IL1RL2: variants seen among roughly 807,000 people sequenced by gnomAD.
IL1RL2 encodes interleukin-1 receptor-like 2.
A neutral mutation model predicts 66.8 loss-of-function variants in IL1RL2; 68 were observed. That is an observed-to-expected ratio of 1.02 (90% CI 0.84 to 1.25). The LOEUF is 1.25. IL1RL2 is among the 50% of genes most tolerant of loss of function. The pLI, the probability that IL1RL2 is intolerant of heterozygous loss-of-function variation, is 0.00. For missense variants in IL1RL2, 729 were observed against 709.3 expected, an observed-to-expected ratio of 1.03 and a Z score of -0.32; for synonymous variants, 305 against 264.6, an observed-to-expected ratio of 1.15 and a Z score of -1.48.
In IL1RL2 at chr2:102,212,175, G is replaced by C; in HGVS notation, c.724+1G>C. 6.2e-7 allele frequency: 1 copy of C among 1,603,076 alleles called. No homozygotes were observed. The highest frequency in any genetic ancestry group is 2.2e-5 in the East Asian group (1 of 44,766). Reference sequence around the variant, plus strand: ...AATCATTCAATTGAAGTACAGCTTGGTGAGTAAAATTATTGAAGCCATTGA... The same window carrying C: ...AATCATTCAATTGAAGTACAGCTTGCTGAGTAAAATTATTGAAGCCATTGA... On this transcript the variant is annotated splice_donor_variant, in intron 6 of 11. Coordinates refer to ENST00000264257, the MANE Select transcript of IL1RL2 (RefSeq NM_003854.4). LOFTEE classifies it high-confidence loss of function.
At chr2:102,192,734 C>T (rs982816406) in intron 4 of IL1RL2, among the ~76,000 whole-genome samples, 4 of 152,180 alleles carry the variant, frequency 2.6e-5, no homozygotes, top group African/African-American at 4.8e-5. Flanking sequence ...GGAGCACAGG[C>T]TAGTCATTTG....
At chr2:102,194,687 T>C (rs1687511028) in intron 4 of IL1RL2, among the ~76,000 whole-genome samples, 1 of 151,734 alleles carries the variant, frequency 6.6e-6, no homozygotes, top group Admixed American at 6.6e-5. Flanking sequence ...CTTCTTTAAA[T>C]TTTCTTATTG....
chr2:102,218,402 A>G (rs1379062321), intron 6 of IL1RL2, among the ~76,000 whole-genome samples: 2 of 152,170 alleles, frequency 1.3e-5, no homozygotes, highest in East Asian at 1.9e-4. Context: ...ATGTGTGTAG[A>G]GGCAAGATAA....
intron 4 of IL1RL2, among the ~76,000 whole-genome samples, chr2:102,195,618 T>TTTCTTTCTTTCTTTCTTTCC (rs1559530175): frequency 1.2e-4 from 2 of 16,370 alleles, no homozygotes; most frequent in African/African-American, 3.4e-4. Flanking sequence ...TCTTTCTTTC[T>TTTCTTTCTTTCTTTCTTTCC]TTCTTTCTTT....
At chr2:102,241,143 G>T (rs1559573304), downstream of IL1RL2, among the ~76,000 whole-genome samples, 1 of 152,226 alleles carries the variant, frequency 6.6e-6, no homozygotes, top group Non-Finnish European at 1.5e-5. Context: ...CCTTCTCGGG[G>T]CTCTCCAACT....
intron 1 of IL1RL2, 116 bp downstream of exon 1, chr2:102,187,202 G>GC: frequency 4.1e-6 from 5 of 1,215,900 alleles, no homozygotes; most frequent in Admixed American, 2.6e-5. Flanking sequence ...CAGGGATCAG[G>GC]CCCCCCAGGC....
At chr2:102,235,752 G>A (rs1674822412) in intron 11 of IL1RL2, 2 of 985,390 alleles carry the variant, frequency 2.0e-6, no homozygotes, top group African/African-American at 1.7e-5. Flanking sequence ...GTGTCTTCAG[G>A]GCCCCATGCT....
intron 6 of IL1RL2, among the ~76,000 whole-genome samples, chr2:102,216,470 A>C (rs1246814035): frequency 1.3e-5 from 2 of 152,108 alleles, no homozygotes; most frequent in Non-Finnish European, 2.9e-5. Context: ...TCAGTGAGTA[A>C]GTGAGTCTCT....
Position 102,233,251 on chromosome 2 carries a change from G to A in IL1RL2, c.1297+127G>A. On this transcript the variant is annotated intron_variant, in intron 10 of 11. Coordinates refer to ENST00000264257, the MANE Select transcript of IL1RL2 (RefSeq NM_003854.4). The stretch of plus-strand genomic sequence containing the variant: ...TGGAACCACAGAGAGTCTATGACCA[G>A]CGCCCCCTGCCCGTCAGCCCCCAGC... 4 of 916,316 alleles carry A rather than the reference G, an allele frequency of 4.4e-6. 1 individual carries two copies. In the South Asian group the frequency reaches 5.4e-5, roughly 12 times the overall value. 56.8% of individuals were successfully genotyped at this position (916,316 alleles called of 1,614,324 possible).
rs1388402940 is a variant in IL1RL2 at position 102,221,057 on chromosome 2, G to A, written c.991+1040G>A. On this transcript the variant is annotated intron_variant, in intron 8 of 11. Coordinates refer to ENST00000264257, the MANE Select transcript of IL1RL2 (RefSeq NM_003854.4). The stretch of plus-strand genomic sequence containing the variant: ...GCTGCCTTAACTGTGAGTGAGCACA[G>A]CACCCTCTACTCACCCTGAGCACAT... 5.9e-5 allele frequency among the ~76,000 whole-genome samples: 9 copies of A among 152,292 alleles called. No individual in the cohort carries two copies. In the East Asian group the frequency reaches 7.7e-4, roughly 13 times the overall value.
At chr2:102,187,133 C>T (rs1002221101) in intron 1 of IL1RL2, 47 bp downstream of exon 1, 1 of 1,284,204 alleles carries the variant, frequency 7.8e-7, no homozygotes, top group Admixed American at 2.3e-5. Context: ...TGGGTGGGGC[C>T]CTGACAGTAG....
intron 2 of IL1RL2, 138 bp downstream of exon 2, chr2:102,188,063 G>C (rs900597090): frequency 2.5e-6 from 2 of 788,874 alleles, no homozygotes; most frequent in African/African-American, 3.4e-5. Context: ...GAGTTCCGCG[G>C]AAGAGGAAAC....
chr2:102,237,334 A>G (rs372377671), intron 11 of IL1RL2, among the ~76,000 whole-genome samples: 128 of 152,348 alleles, frequency 8.4e-4, no homozygotes, highest in African/African-American at 3.0e-3. Context: ...GGGTTAGTCA[A>G]GTGGCCAGAG....
At chr2:102,237,415 C>T (rs1360888817) in intron 11 of IL1RL2, among the ~76,000 whole-genome samples, 2 of 152,194 alleles carry the variant, frequency 1.3e-5, no homozygotes, top group Admixed American at 1.3e-4. Flanking sequence ...GAAGGAAGGA[C>T]GAAGCGTCCT....
intron 9 of IL1RL2, among the ~76,000 whole-genome samples, chr2:102,226,697 G>A (rs940854672): frequency 6.6e-6 from 1 of 151,908 alleles, no homozygotes; most frequent in African/African-American, 2.4e-5. Context: ...AGAGAGGGAG[G>A]GAAAACGGAG....
chr2:102,214,505 T>TA (rs1689439863), intron 6 of IL1RL2, among the ~76,000 whole-genome samples: 1 of 152,170 alleles, frequency 6.6e-6, no homozygotes, highest in Admixed American at 6.5e-5. Flanking sequence ...CCTACATGAT[T>TA]AAAAATGCAG....
chr2:102,223,484 G>C (rs1050037493), intron 8 of IL1RL2, among the ~76,000 whole-genome samples: 1 of 152,140 alleles, frequency 6.6e-6, no homozygotes, highest in African/African-American at 2.4e-5. Flanking sequence ...ACCTTTAACA[G>C]GACATCTAGT....
chr2:102,204,393 G>T (rs767655062), intron 5 of IL1RL2, among the ~76,000 whole-genome samples: 1 of 152,042 alleles, frequency 6.6e-6, no homozygotes, highest in Non-Finnish European at 1.5e-5. Flanking sequence ...GGATCTATTA[G>T]ATCCATTTGG....
chr2:102,208,657 G>T (rs564244875), intron 5 of IL1RL2, among the ~76,000 whole-genome samples: 1 of 152,296 alleles, frequency 6.6e-6, no homozygotes, highest in South Asian at 2.1e-4. Flanking sequence ...TGGGGATCTG[G>T]TCAGCATGGG....
Sources: allele counts gnomAD v4.1 joint callset (sites outside exome capture counted in the v4.1 genomes callset), GRCh38; gene constraint gnomAD v4.1.1; transcripts MANE v1.5; gene names NCBI Gene and HGNC (gene_info 2026-07-23, HGNC 2026-07-21).